Variants in NCKAP5 observed in about 807,000 individuals in gnomAD.
NCKAP5 encodes nck-associated protein 5.
Under a neutral mutation model 167.0 loss-of-function variants are expected in NCKAP5, and 92 were observed. That is an observed-to-expected ratio of 0.55 (90% CI 0.47 to 0.66). NCKAP5 has a LOEUF of 0.66. Ranked by LOEUF, NCKAP5 falls within the 30% of genes least tolerant of loss-of-function variation. The pLI is 0.00. For synonymous variants in NCKAP5, 891 were observed against 877.4 expected (o/e 1.02, Z -0.27); for missense variants, 2,378 against 2,315.0 (o/e 1.03, Z -0.56).
chr2:132,687,487 T>G (rs2105096449), intron 19 of NCKAP5, among the ~76,000 whole-genome samples: 1 of 152,208 alleles, frequency 6.6e-6, no homozygotes, highest in Admixed American at 6.5e-5. Context: ...GTGTGTGCGG[T>G]TTCTCTGCCA....
chr2:133,160,440 T>C (rs1454223557), intron 5 of NCKAP5, among the ~76,000 whole-genome samples: 22 of 89,188 alleles, frequency 2.5e-4, no homozygotes, highest in African/African-American at 1.7e-3. Context: ...TTTCTTTTTC[T>C]TTTTTTTTTT....
chr2:133,060,560 C>G (rs1472399155), intron 6 of NCKAP5, among the ~76,000 whole-genome samples: 1 of 152,208 alleles, frequency 6.6e-6, no homozygotes, highest in Admixed American at 6.5e-5. Flanking sequence ...CTAGCCGTCC[C>G]TGAAATCCAC....
At chr2:132,725,367 C>G (rs1429089717) in intron 19 of NCKAP5, among the ~76,000 whole-genome samples, 1 of 152,124 alleles carries the variant, frequency 6.6e-6, no homozygotes, top group Non-Finnish European at 1.5e-5. Flanking sequence ...TGAGATAACT[C>G]AATTGGAGGC....
At position 133,280,398 on chromosome 2, in the gene NCKAP5, G is replaced by GTTTATTTATTTA. The variant is rs562780851; in HGVS notation, c.143+22627_143+22638dup. 3.9e-3 allele frequency among the ~76,000 whole-genome samples: 587 copies of GTTTATTTATTTA among 152,104 alleles called. 5 individuals carry two copies. The highest frequency in any genetic ancestry group is 0.013 in the African/African-American group (558 of 41,492). On this transcript the variant is annotated intron_variant, in intron 4 of 19. Transcript: ENST00000409261. Reference sequence around the variant, plus strand: ...AGTTTCTTTTGTTTTCTGTTCGTTTGTTTATTTATTTATTTATTTATTTTT... The same window carrying GTTTATTTATTTA: ...AGTTTCTTTTGTTTTCTGTTCGTTTGTTTATTTATTTATTTATTTATTTATTTATTTATTTTT...
At chr2:133,338,724 A>G (rs1482363230) in intron 3 of NCKAP5, among the ~76,000 whole-genome samples, 1 of 152,128 alleles carries the variant, frequency 6.6e-6, no homozygotes, top group South Asian at 2.1e-4. Context: ...ATACAAGGCC[A>G]TGGCCAGGCA....
In NCKAP5 at chr2:133,461,796, G is replaced by A. The variant is rs1392125345; in HGVS notation, c.69+55662C>T. Among the ~76,000 whole-genome samples the A allele has an allele frequency of 2.6e-5, 4 of 152,290 alleles. No individual in the cohort carries two copies. In the East Asian group the frequency reaches 5.8e-4, roughly 22 times the overall value. ...ATCCATCCTACATACTACTACTACC[G>A]TGGAGTAGGTTAAAATGGACTTTAT... On this transcript the variant is annotated intron_variant, in intron 3 of 19. Coordinates refer to ENST00000409261, the MANE Select transcript of NCKAP5 (RefSeq NM_207363.3).
intron 5 of NCKAP5, among the ~76,000 whole-genome samples, chr2:133,206,221 T>C (rs1348873966): frequency 6.6e-6 from 1 of 152,202 alleles, no homozygotes; most frequent in East Asian, 1.9e-4. Context: ...TTTCCATTTT[T>C]TAAAAAAATT....
chr2:132,856,289 C>T (rs1423810638), intron 11 of NCKAP5, among the ~76,000 whole-genome samples: 1 of 151,834 alleles, frequency 6.6e-6, no homozygotes, highest in Non-Finnish European at 1.5e-5. Flanking sequence ...CAGTGTCTTG[C>T]CAGATCAGAC....
At chr2:133,011,123 A>G (rs2078145179) in intron 6 of NCKAP5, among the ~76,000 whole-genome samples, 1 of 152,220 alleles carries the variant, frequency 6.6e-6, no homozygotes, top group Admixed American at 6.5e-5. Flanking sequence ...GAATACCATG[A>G]CACTATGCAC....
Position 132,781,177 on chromosome 2 carries a change from A to G in NCKAP5, c.4924T>C (p.Cys1642Arg). The G allele has an allele frequency of 1.2e-6, 2 of 1,613,990 alleles. No individual in the cohort carries two copies. The highest frequency in any genetic ancestry group is 1.7e-6 in the Non-Finnish European group (2 of 1,179,890). Residue 1642 changes from cysteine to arginine, a missense_variant, in exon 15 of 20, where the codon TGC (cysteine) becomes CGC (arginine). This residue lies in a region of NCKAP5 where 1,325 missense variants were observed against 1,274.5 expected (regional missense o/e 1.04). Transcript: ENST00000409261. ...GAACTGCCCTTTAACACATTCCTGC[A>G]GGAAGCATTACTTGATCCACTTTCT... is the stretch of plus-strand genomic sequence containing the variant. Reference protein sequence around the residue: ...QTESGSSNASCRNVLKGSSQG... With the variant: ...QTESGSSNASRRNVLKGSSQG...
At chr2:133,001,406 G>T (rs1022920170) in intron 6 of NCKAP5, among the ~76,000 whole-genome samples, 2 of 152,004 alleles carry the variant, frequency 1.3e-5, no homozygotes, top group Non-Finnish European at 2.9e-5. Flanking sequence ...TTTTCGGAGA[G>T]ACAGGGTTTT....
chr2:132,993,939 A>T (rs2077517686), intron 7 of NCKAP5, among the ~76,000 whole-genome samples: 1 of 152,222 alleles, frequency 6.6e-6, no homozygotes, highest in South Asian at 2.1e-4. Context: ...TTCTAGAATC[A>T]AATCTACACT....
chr2:132,777,846 G>A (rs1283116149), intron 15 of NCKAP5, among the ~76,000 whole-genome samples: 2 of 151,868 alleles, frequency 1.3e-5, no homozygotes, highest in Non-Finnish European at 1.5e-5. Flanking sequence ...TTTATTAGCA[G>A]ACATGATTTT....
the NCKAP5 span, among the ~76,000 whole-genome samples, chr2:133,616,699 T>C: frequency 6.6e-6 from 1 of 151,946 alleles, no homozygotes; most frequent in Non-Finnish European, 1.5e-5. Flanking sequence ...CCAGATGGAT[T>C]CACAGCTGAA....
chr2:132,768,045 G>C (rs57643329), intron 16 of NCKAP5, among the ~76,000 whole-genome samples: 18,575 of 152,216 alleles, frequency 0.12, 1,386 homozygotes, highest in East Asian at 0.18. Context: ...CCCAGACAAT[G>C]GGGGAGGGTA....
intron 7 of NCKAP5, among the ~76,000 whole-genome samples, chr2:132,993,593 T>C (rs1270817459): frequency 1.3e-5 from 2 of 152,192 alleles, no homozygotes. Context: ...CCCTGTACTC[T>C]CAGTCTCACT....
chr2:133,027,645 T>C (rs188692180), intron 6 of NCKAP5, among the ~76,000 whole-genome samples: 2 of 152,330 alleles, frequency 1.3e-5, no homozygotes, highest in Non-Finnish European at 2.9e-5. Flanking sequence ...GAGGCTGGAC[T>C]AGAACTGTTA....
At chr2:133,590,794 C>A in the NCKAP5 span, among the ~76,000 whole-genome samples, 2 of 152,166 alleles carry the variant, frequency 1.3e-5, no homozygotes, top group African/African-American at 2.4e-5. Context: ...CTTTGACTCA[C>A]TGAAGCAGAA....
chr2:133,293,965 G>C (rs1330590213), intron 4 of NCKAP5, among the ~76,000 whole-genome samples: 3 of 152,190 alleles, frequency 2.0e-5, no homozygotes, highest in African/African-American at 7.2e-5. Flanking sequence ...AGGCACGCTA[G>C]CCCTGGTCTC....
Sources: gnomAD v4.1 joint callset for allele counts (sites outside exome capture counted in the v4.1 genomes callset) on GRCh38, gnomAD v4.1.1 for gene constraint, gnomAD v4.1.1 regional missense constraint, MANE v1.5 for transcripts, NCBI Gene and HGNC (gene_info 2026-07-23, HGNC 2026-07-21) for gene names.